XRRA1: variants seen among roughly 807,000 people sequenced by gnomAD.
XRRA1 encodes X-ray radiation resistance-associated protein 1.
XRRA1 carries 69 observed loss-of-function variants against 80.2 expected under a neutral mutation model. That is an observed-to-expected ratio of 0.86 (90% confidence interval 0.71 to 1.05). The LOEUF is 1.05. Among genes scored for constraint, XRRA1 ranks in the 50% least tolerant of loss-of-function variants. The probability of loss-of-function intolerance (pLI) is 0.00; values close to 1 mark genes in which losing one functional copy is unlikely to be tolerated. For synonymous variants in XRRA1, 348 were observed against 389.9 expected (o/e 0.89, Z 1.27); for missense variants, 967 against 976.4 (o/e 0.99, Z 0.13).
chr11:74,872,844 C>T (rs1310802925), intron 10 of XRRA1, among the ~76,000 whole-genome samples: 1 of 152,164 alleles, frequency 6.6e-6, no homozygotes, highest in Non-Finnish European at 1.5e-5. Flanking sequence ...ACCAGCATCC[C>T]TCTTCTCCCT....
intron 8 of XRRA1, among the ~76,000 whole-genome samples, chr11:74,912,142 T>A (rs1002053862): frequency 6.6e-6 from 1 of 152,182 alleles, no homozygotes; most frequent in Non-Finnish European, 1.5e-5. Flanking sequence ...GAATTTAGCT[T>A]AAGCTGATTC....
chr11:74,911,570 T>C (rs2055899025), intron 8 of XRRA1: 1 of 152,176 alleles, frequency 6.6e-6, no homozygotes, highest in Admixed American at 6.5e-5. Flanking sequence ...AGATCCATCA[T>C]TTTATTTATT....
intron 10 of XRRA1, among the ~76,000 whole-genome samples, chr11:74,880,222 A>C (rs1211766133): frequency 6.6e-6 from 1 of 152,066 alleles, no homozygotes; most frequent in Middle Eastern, 3.2e-3. Flanking sequence ...GAATTTATCC[A>C]TTTCTTCTAG....
chr11:74,886,770 G>T (rs778728710), intron 10 of XRRA1, among the ~76,000 whole-genome samples: 1 of 152,092 alleles, frequency 6.6e-6, no homozygotes, highest in Non-Finnish European at 1.5e-5. Context: ...GAAGTCCTAA[G>T]CAAAAAGAAC....
intron 10 of XRRA1, among the ~76,000 whole-genome samples, chr11:74,902,150 C>G (rs2053674879): frequency 6.6e-6 from 1 of 152,104 alleles, no homozygotes; most frequent in South Asian, 2.1e-4. Context: ...AAATGGAAAA[C>G]AGCATATCAA....
intron 4 of XRRA1, among the ~76,000 whole-genome samples, chr11:74,936,592 G>A (rs1468799361): frequency 6.6e-6 from 1 of 152,188 alleles, no homozygotes; most frequent in African/African-American, 2.4e-5. Flanking sequence ...ACTAGCTGTG[G>A]AACCTCAGCC....
At chr11:74,875,505 T>A (rs113267987) in intron 10 of XRRA1, among the ~76,000 whole-genome samples, 1 of 152,180 alleles carries the variant, frequency 6.6e-6, no homozygotes, top group Admixed American at 6.5e-5. Flanking sequence ...ATAAAACTTA[T>A]CAGTGTGCCC....
At chr11:74,905,026 A>G (rs1027777470) in intron 10 of XRRA1, among the ~76,000 whole-genome samples, 4 of 152,164 alleles carry the variant, frequency 2.6e-5, no homozygotes, top group African/African-American at 9.7e-5. Flanking sequence ...GAGAATCTGA[A>G]TAACATAATT....
chr11:74,886,177 C>A (rs762444377), intron 10 of XRRA1, among the ~76,000 whole-genome samples: 4 of 152,172 alleles, frequency 2.6e-5, no homozygotes, highest in Non-Finnish European at 5.9e-5. Context: ...ACTCTCACCA[C>A]TCCTATTTGA....
chr11:74,911,801 A>G (rs546429154), intron 8 of XRRA1, among the ~76,000 whole-genome samples: 15 of 152,294 alleles, frequency 9.8e-5, no homozygotes, highest in African/African-American at 3.6e-4. Context: ...GAAACTTAAC[A>G]TAGGAAGCCA....
intron 10 of XRRA1, chr11:74,863,311 C>T (rs2042716111): frequency 2.2e-6 from 1 of 446,992 alleles, no homozygotes; most frequent in South Asian, 2.6e-5. Context: ...GATACTCTCC[C>T]TCATTCACTG....
chr11:74,892,817 A>G (rs1486977228), intron 10 of XRRA1, among the ~76,000 whole-genome samples: 2 of 152,066 alleles, frequency 1.3e-5, no homozygotes, highest in South Asian at 2.1e-4. Context: ...GCTCATCATC[A>G]CTGGCCATCA....
chr11:74,861,041 C>T (rs1226787231), intron 11 of XRRA1, among the ~76,000 whole-genome samples: 1 of 152,120 alleles, frequency 6.6e-6, no homozygotes, highest in African/African-American at 2.4e-5. Context: ...AGTGAGCCTC[C>T]AATAAAAGCT....
At chr11:74,923,766 G>A (rs74422407) in intron 7 of XRRA1, among the ~76,000 whole-genome samples, 1,768 of 152,208 alleles carry the variant, frequency 0.012, 41 homozygotes, top group African/African-American at 0.038. Flanking sequence ...CCAGCCATAC[G>A]GAGCTGTTTC....
chr11:74,935,211 T>C (rs1486645006), intron 4 of XRRA1, among the ~76,000 whole-genome samples: 1 of 152,218 alleles, frequency 6.6e-6, no homozygotes, highest in Admixed American at 6.5e-5. Flanking sequence ...CAATCCCTTC[T>C]CTACCTCAGG....
At chr11:74,921,951 G>T (rs940306372) in intron 7 of XRRA1, among the ~76,000 whole-genome samples, 1 of 152,076 alleles carries the variant, frequency 6.6e-6, no homozygotes, top group Non-Finnish European at 1.5e-5. Context: ...CACAAAGTAG[G>T]TGCACAGAAA....
intron 10 of XRRA1, among the ~76,000 whole-genome samples, chr11:74,866,196 T>C (rs1158241460): frequency 6.6e-6 from 1 of 152,178 alleles, no homozygotes; most frequent in Admixed American, 6.5e-5. Flanking sequence ...AGATGTGTGA[T>C]CTCTCAGACA....
At chr11:74,891,939 T>C (rs1021466814) in intron 10 of XRRA1, among the ~76,000 whole-genome samples, 1 of 152,192 alleles carries the variant, frequency 6.6e-6, no homozygotes, top group Non-Finnish European at 1.5e-5. Context: ...TCCATGCTCA[T>C]GGATAGGAAG....
At chr11:74,940,598 C>T (rs1373167495) in intron 3 of XRRA1, among the ~76,000 whole-genome samples, 187 bp downstream of exon 3, 1 of 152,172 alleles carries the variant, frequency 6.6e-6, no homozygotes, top group Non-Finnish European at 1.5e-5. Context: ...AGTCACTGAA[C>T]AGAAGGGGCA....
Sources: allele counts gnomAD v4.1 joint callset (sites outside exome capture counted in the v4.1 genomes callset), GRCh38; gene constraint gnomAD v4.1.1; transcripts MANE v1.5; gene names NCBI Gene and HGNC (gene_info 2026-07-23, HGNC 2026-07-21).